The following IL1RN variants were observed in gnomAD, a reference collection of about 807,000 sequenced individuals.
IL1RN encodes interleukin-1 receptor antagonist protein.
IL1RN carries 10 observed loss-of-function variants against 13.7 expected under a neutral mutation model. The ratio of observed to expected loss-of-function variants is 0.73; its 90% CI spans 0.45 to 1.24. The LOEUF (loss-of-function observed/expected upper bound fraction) is 1.24, where lower values mean the gene tolerates loss of function less well. Ranked by LOEUF, IL1RN falls within the 50% of genes most tolerant of loss-of-function variation. IL1RN has a pLI of 0.00. For missense variants in IL1RN, 213 were observed against 222.1 expected (o/e 0.96, Z 0.26); for synonymous variants, 102 against 82.7 (o/e 1.23, Z -1.27).
upstream of IL1RN, among the ~76,000 whole-genome samples, chr2:113,116,020 C>G (rs967233677): frequency 1.3e-5 from 2 of 152,196 alleles, no homozygotes; most frequent in Non-Finnish European, 2.9e-5. Flanking sequence ...TAATGCCAAC[C>G]ACATGCCAAG....
At chr2:113,127,179 T>C (rs768717813), upstream of IL1RN, among the ~76,000 whole-genome samples, 1 of 152,210 alleles carries the variant, frequency 6.6e-6, no homozygotes, top group Non-Finnish European at 1.5e-5. Flanking sequence ...CTGTCCATTT[T>C]TCAAAGAACA....
chr2:113,122,827 T>C (rs544143333), upstream of IL1RN, among the ~76,000 whole-genome samples: 16 of 152,284 alleles, frequency 1.1e-4, no homozygotes, highest in African/African-American at 3.4e-4. Flanking sequence ...AATAAGACTT[T>C]TGAAAAGTAG....
the IL1RN span, among the ~76,000 whole-genome samples, chr2:113,099,981 G>A: frequency 8.2e-5 from 11 of 134,340 alleles, no homozygotes; most frequent in South Asian, 5.2e-4. Context: ...TGATCCGCCC[G>A]CCTCGGCCTC....
chr2:113,110,061 C>T (rs1686469122), upstream of IL1RN, among the ~76,000 whole-genome samples: 1 of 152,194 alleles, frequency 6.6e-6, no homozygotes, highest in African/African-American at 2.4e-5. Context: ...GGACCACAGT[C>T]ACCTTCAAAA....
At chr2:113,101,502 GA>G in the IL1RN span, among the ~76,000 whole-genome samples, 21,946 of 152,104 alleles carry the variant, frequency 0.14, 1,802 homozygotes, top group Non-Finnish European at 0.19. Flanking sequence ...TTTCATAAAA[GA>G]AAGGCCATTT....
upstream of IL1RN, chr2:113,127,486 T>G: frequency 6.9e-7 from 1 of 1,443,106 alleles, no homozygotes; most frequent in African/African-American, 1.4e-5. Context: ...GTTTCTCTTT[T>G]TGGAAATGCG....
At chr2:113,121,657 T>C (rs1333053741) in intron 2 of IL1RN, 2 of 949,832 alleles carry the variant, frequency 2.1e-6, no homozygotes, top group East Asian at 1.2e-4. Flanking sequence ...GAGTAGCTTC[T>C]TGTAGATAAC....
upstream of IL1RN, chr2:113,115,667 C>G (rs1686578645): frequency 6.6e-6 from 1 of 152,292 alleles, no homozygotes; most frequent in African/African-American, 2.4e-5. Flanking sequence ...CGTTCTCCAT[C>G]TCTGGGATGT....
chr2:113,100,696 T>G, the IL1RN span, among the ~76,000 whole-genome samples: 1 of 152,148 alleles, frequency 6.6e-6, no homozygotes, highest in African/African-American at 2.4e-5. Context: ...ATTTAGACAG[T>G]TCTGACAGAA....
intron 2 of IL1RN, among the ~76,000 whole-genome samples, chr2:113,121,048 T>TTCTTCC (rs1553468937): frequency 2.8e-4 from 16 of 57,862 alleles, no homozygotes; most frequent in Non-Finnish European, 5.7e-4. Context: ...CTTCTTCCTC[T>TTCTTCC]TCTTCTTCTT....
At chr2:113,103,023 C>T (rs375928983), upstream of IL1RN, among the ~76,000 whole-genome samples, 296 of 152,336 alleles carry the variant, frequency 1.9e-3, 3 homozygotes, top group African/African-American at 6.0e-3. Flanking sequence ...CCCATGCCCA[C>T]GGCAGACATG....
upstream of IL1RN, chr2:113,107,314 A>T (rs900674486): frequency 1.3e-5 from 2 of 152,246 alleles, no homozygotes; most frequent in Non-Finnish European, 2.9e-5. Flanking sequence ...ATATTATTTC[A>T]CAAGTGGAAT....
At chr2:113,110,670 A>G (rs941618926), upstream of IL1RN, among the ~76,000 whole-genome samples, 3 of 152,082 alleles carry the variant, frequency 2.0e-5, no homozygotes, top group African/African-American at 4.8e-5. Flanking sequence ...AGTTACCACT[A>G]CTCCTTCTCT....
chr2:113,100,239 T>A, the IL1RN span, among the ~76,000 whole-genome samples: 1 of 147,272 alleles, frequency 6.8e-6, no homozygotes, highest in South Asian at 2.1e-4. Flanking sequence ...GACAGGAGAA[T>A]GGCATGAACC....
chr2:113,120,162 A>G, intron 2 of IL1RN: 1 of 1,451,460 alleles, frequency 6.9e-7, no homozygotes, highest in Non-Finnish European at 9.7e-7. Flanking sequence ...TTTGAAAACA[A>G]TTTTAGGCTA....
At chr2:113,120,839 G>C (rs892867459) in intron 2 of IL1RN, among the ~76,000 whole-genome samples, 1 of 152,206 alleles carries the variant, frequency 6.6e-6, no homozygotes, top group Admixed American at 6.5e-5. Flanking sequence ...GAAGCAGAGA[G>C]AAAAAGTCAG....
At chr2:113,118,247 C>T (rs1381755233) in intron 1 of IL1RN, among the ~76,000 whole-genome samples, 1 of 152,208 alleles carries the variant, frequency 6.6e-6, no homozygotes, top group Non-Finnish European at 1.5e-5. Context: ...CTAGTGCCTG[C>T]TGGGGCAGCA....
the IL1RN span, among the ~76,000 whole-genome samples, chr2:113,099,364 C>T: frequency 1.3e-5 from 2 of 152,236 alleles, no homozygotes; most frequent in East Asian, 3.8e-4. Context: ...TCACCCAGCT[C>T]CCATGCAGCC....
rs452204 is a variant in IL1RN at position 113,131,484 on chromosome 2, G to A, written c.318+327G>A. 0.45 allele frequency among the ~76,000 whole-genome samples: 67,907 copies of A among 151,708 alleles called. 15,527 individuals are homozygous for A. Among genetic ancestry groups the A allele is most frequent in the East Asian group, 0.64 (3,234 of 5,086 alleles). Reference sequence around the variant, plus strand: ...GCCTCAACATGCAGGCGCTTATTATGACTTCTGCTTGCATCATCCTATTGG... The same window carrying A: ...GCCTCAACATGCAGGCGCTTATTATAACTTCTGCTTGCATCATCCTATTGG... On this transcript the variant is annotated intron_variant, in intron 3 of 3. Coordinates refer to ENST00000409930, the MANE Select transcript of IL1RN (RefSeq NM_173842.3).
Sources: gnomAD v4.1 joint callset for allele counts (sites outside exome capture counted in the v4.1 genomes callset) on GRCh38, gnomAD v4.1.1 for gene constraint, MANE v1.5 for transcripts, NCBI Gene and HGNC (gene_info 2026-07-23, HGNC 2026-07-21) for gene names.